ZNF571: variants seen among roughly 807,000 people sequenced by gnomAD.
ZNF571 encodes the protein zinc finger protein 571.
Under a neutral mutation model 7.7 loss-of-function variants are expected in ZNF571, and 4 were observed. The ratio of observed to expected loss-of-function variants is 0.52; its 90% CI spans 0.25 to 1.18. ZNF571 has a LOEUF of 1.18. Among genes scored for constraint, ZNF571 ranks in the 50% most tolerant of loss-of-function variants. The pLI, the probability that ZNF571 is intolerant of heterozygous loss-of-function variation, is 0.14. For missense variants in ZNF571, 704 were observed against 726.9 expected (o/e 0.97, Z 0.36); for synonymous variants, 251 against 232.4 (o/e 1.08, Z -0.73).
chr19:37,592,606 C>T (rs1047317318), intron 1 of ZNF571, among the ~76,000 whole-genome samples: 1 of 152,118 alleles, frequency 6.6e-6, no homozygotes, highest in Non-Finnish European at 1.5e-5. Context: ...AGCATTTAAA[C>T]ACATCAATAT....
intron 2 of ZNF571, chr19:37,585,895 G>C (rs2043656749): frequency 6.6e-6 from 1 of 152,204 alleles, no homozygotes; most frequent in Admixed American, 6.5e-5. Context: ...GATGATGAAA[G>C]CACAAGTCAA....
intron 3 of ZNF571, 142 bp from the exon 4 acceptor site, chr19:37,566,433 T>G: frequency 2.2e-6 from 2 of 927,998 alleles, no homozygotes; most frequent in South Asian, 1.9e-5. Context: ...GCCATTTTTC[T>G]TTAAAGGCAC....
intron 3 of ZNF571, among the ~76,000 whole-genome samples, chr19:37,581,417 A>G (rs954574584): frequency 6.0e-5 from 9 of 150,300 alleles, no homozygotes; most frequent in Non-Finnish European, 8.9e-5. Context: ...CAGATCATTT[A>G]CCTTTATACC....
At chr19:37,580,526 G>A (rs1444585416) in intron 3 of ZNF571, among the ~76,000 whole-genome samples, 3 of 152,184 alleles carry the variant, frequency 2.0e-5, no homozygotes, top group Non-Finnish European at 2.9e-5. Context: ...TTTGGATGTG[G>A]TTTGTACCCA....
intron 3 of ZNF571, 111 bp downstream of exon 3, chr19:37,583,860 A>G: frequency 9.0e-7 from 1 of 1,112,192 alleles, no homozygotes. Flanking sequence ...GTCCATTTCT[A>G]CTTCTACTCA....
chr19:37,589,200 CAAAAAA>C (rs35689698), intron 1 of ZNF571, among the ~76,000 whole-genome samples: 102 of 108,894 alleles, frequency 9.4e-4, no homozygotes, highest in African/African-American at 3.1e-3. Context: ...AACTCCGTCT[CAAAAAA>C]AAAAAAAAAA....
In ZNF571 at chr19:37,564,489, A is replaced by T; in HGVS notation, c.*109T>A. The T allele has an allele frequency of 2.1e-6, 2 of 969,248 alleles. No individual in the cohort carries two copies. The highest frequency in any genetic ancestry group is 3.3e-5 in the Admixed American group (1 of 30,570). The allele number at this position is 969,248 out of a possible 1,614,324, so 60.0% of individuals were successfully genotyped here. On this transcript the variant is annotated 3_prime_UTR_variant, in exon 4 of 4. Coordinates refer to ENST00000451802, the MANE Select transcript of ZNF571 (RefSeq NM_016536.5). Reference sequence around the variant, plus strand: ...AATTATTCTGCATCCATGTTAATGTAGGCCTTCTAAGAATGAGCAGATTCT... The same window carrying T: ...AATTATTCTGCATCCATGTTAATGTTGGCCTTCTAAGAATGAGCAGATTCT...
chr19:37,576,310 A>C (rs1312656282), intron 3 of ZNF571, among the ~76,000 whole-genome samples: 1 of 152,162 alleles, frequency 6.6e-6, no homozygotes, highest in Non-Finnish European at 1.5e-5. Flanking sequence ...AGTTCATATA[A>C]CTCTATAAAC....
At chr19:37,566,565 A>G (rs1267074182) in intron 3 of ZNF571, 8 of 296,088 alleles carry the variant, frequency 2.7e-5, no homozygotes, top group Non-Finnish European at 4.4e-5. Context: ...ATAAAATAGT[A>G]ATAAAAACAC....
At position 37,566,186 on chromosome 19, in the gene ZNF571, A is replaced by G; in HGVS notation, c.242T>C (p.Leu81Pro). 6.2e-7 allele frequency: 1 copy of G among 1,614,012 alleles called. No homozygotes were observed. ...ENMGKRINHH[L>P]QYNGLGDNME... Reference sequence around the variant, plus strand: ...ATTGTCTCCAAGACCATTGTATTGAAGGTGATGGTTGATACGTTTCCCCAT... The same window carrying G: ...ATTGTCTCCAAGACCATTGTATTGAGGGTGATGGTTGATACGTTTCCCCAT... Residue 81 changes from leucine (L) to proline (P), a missense_variant, in exon 4 of 4, where the codon CTT becomes CCT. Transcript: ENST00000451802.
At chr19:37,589,767 G>A (rs1024437182) in intron 1 of ZNF571, among the ~76,000 whole-genome samples, 1 of 140,638 alleles carries the variant, frequency 7.1e-6, no homozygotes, top group Non-Finnish European at 1.5e-5. Flanking sequence ...TTGGGAGGCT[G>A]AGGCAAAGAA....
In ZNF571 at chr19:37,565,275, G is replaced by A. The variant is rs757087062; in HGVS notation, c.1153C>T (p.His385Tyr). 86 of 1,610,694 alleles carry A rather than the reference G, an allele frequency of 5.3e-5. No individual in the cohort carries two copies. Among genetic ancestry groups the A allele is most frequent in the Non-Finnish European group, 5.3e-5 (62 of 1,178,764 alleles). ...GSQLTYHLRV[H>Y]SGERPYKCKE... ...CATTTATAAGGTCTCTCACCTGAATGAACTCTCAGGTGGTAAGTAAGTTGT... is the reference window on the plus strand; with the variant it reads ...CATTTATAAGGTCTCTCACCTGAATAAACTCTCAGGTGGTAAGTAAGTTGT... The change falls in exon 4 of 4, where the codon CAT becomes TAT. Residue 385 changes from histidine to tyrosine, a missense_variant. By Grantham distance (83) the His-to-Tyr change is moderately conservative. Transcript: ENST00000451802.
At chr19:37,573,579 G>C (rs533973509) in intron 3 of ZNF571, among the ~76,000 whole-genome samples, 76 of 151,412 alleles carry the variant, frequency 5.0e-4, no homozygotes, top group African/African-American at 1.8e-3. Flanking sequence ...GTAATGCTAG[G>C]ACTTTGGGAG....
Position 37,566,016 on chromosome 19 carries a change from A to T in ZNF571, c.412T>A (p.Leu138Met). The T allele has an allele frequency of 6.2e-7, 1 of 1,614,012 alleles. No homozygotes were observed. The highest frequency in any genetic ancestry group is 8.5e-7 in the Non-Finnish European group (1 of 1,179,916). The stretch of plus-strand genomic sequence containing the variant: ...TGTCTGCATTCCTTACATTTGTACA[A>T]TTTTTCCTTGGTAGGAATTATCCGA... ...FHRIIPTKEK[L>M]YKCKECRQGF... The change falls in exon 4 of 4, where the codon TTG becomes ATG. Residue 138 changes from leucine to methionine, a missense_variant. Transcript: ENST00000451802.
At chr19:37,588,895 T>C (rs1270039617) in intron 1 of ZNF571, among the ~76,000 whole-genome samples, 7 of 151,980 alleles carry the variant, frequency 4.6e-5, no homozygotes, top group African/African-American at 1.4e-4. Context: ...ATATAAGATA[T>C]CTAAATATTA....
chr19:37,582,492 G>A (rs1204531305), intron 3 of ZNF571, among the ~76,000 whole-genome samples: 1 of 152,106 alleles, frequency 6.6e-6, no homozygotes, highest in Admixed American at 6.6e-5. Flanking sequence ...TCCTTGAGCT[G>A]TACCTTGCCT....
chr19:37,576,234 A>G (rs2043239121), intron 3 of ZNF571, among the ~76,000 whole-genome samples: 1 of 152,180 alleles, frequency 6.6e-6, no homozygotes, highest in Non-Finnish European at 1.5e-5. Flanking sequence ...TTCTTGAGAG[A>G]GAATTTTCCA....
intron 1 of ZNF571, among the ~76,000 whole-genome samples, chr19:37,588,306 A>G (rs933490656): frequency 3.3e-5 from 5 of 152,080 alleles, no homozygotes; most frequent in African/African-American, 1.2e-4. Flanking sequence ...CAAGAATTGG[A>G]AAAAAATGCC....
At position 37,564,584 on chromosome 19, in the gene ZNF571, C is replaced by A; in HGVS notation, c.*14G>T. 1 of 1,482,794 alleles carries A rather than the reference C, an allele frequency of 6.7e-7. No homozygotes were observed. The highest frequency in any genetic ancestry group is 1.5e-5 in the South Asian group (1 of 64,958). 91.9% of individuals were successfully genotyped at this position (1,482,794 alleles called of 1,614,324 possible). A position where few individuals can be genotyped will look rare whatever the true frequency, so the allele number is the denominator to read the frequency against. On this transcript the variant is annotated 3_prime_UTR_variant, in exon 4 of 4. Coordinates refer to ENST00000451802, the MANE Select transcript of ZNF571 (RefSeq NM_016536.5). The stretch of plus-strand genomic sequence containing the variant: ...ATGAAGATTTTCTTAAATTTAATCA[C>A]ATTCAAGGCTTTCTCAATTATGAAG...
Sources: gnomAD v4.1 joint callset for allele counts (sites outside exome capture counted in the v4.1 genomes callset) on GRCh38, gnomAD v4.1.1 for gene constraint, MANE v1.5 for transcripts, NCBI Gene and HGNC (gene_info 2026-07-23, HGNC 2026-07-21) for gene names.